ABTB2: variants seen among roughly 807,000 people sequenced by gnomAD.
ABTB2 encodes the protein ankyrin repeat and BTB domain containing 2, also known as ankyrin repeat and BTB/POZ domain-containing protein 2.
ABTB2 carries 56 observed loss-of-function variants against 104.1 expected under a neutral mutation model. The ratio of observed to expected loss-of-function variants is 0.54; its 90% confidence interval spans 0.43 to 0.67. ABTB2 has a LOEUF of 0.67. Among genes scored for constraint, ABTB2 ranks in the 30% least tolerant of loss-of-function variants. The pLI is 0.00. For missense variants in ABTB2, 1,279 were observed against 1,407.7 expected (o/e 0.91, Z 1.46); for synonymous variants, 606 against 608.2 (o/e 1.00, Z 0.05).
At chr11:34,223,018 G>C (rs1400148227) in intron 1 of ABTB2, among the ~76,000 whole-genome samples, 1 of 152,144 alleles carries the variant, frequency 6.6e-6, no homozygotes, top group Non-Finnish European at 1.5e-5. Context: ...TATTTAAACT[G>C]AAACTTTGGG....
intron 1 of ABTB2, among the ~76,000 whole-genome samples, chr11:34,246,847 C>CTTTTTTTTTTTTTTTTTTTTTTTTT (rs199831054): frequency 8.5e-6 from 1 of 118,284 alleles, no homozygotes; most frequent in African/African-American, 3.2e-5. Flanking sequence ...TTTCTTTTTT[C>CTTTTTTTTTTTTTTTTTTTTTTTTT]TTTTTTTTTT....
intron 1 of ABTB2, among the ~76,000 whole-genome samples, chr11:34,240,160 A>C (rs1245598671): frequency 6.6e-6 from 1 of 152,202 alleles, no homozygotes; most frequent in African/African-American, 2.4e-5. Flanking sequence ...GAGAAGAAAA[A>C]GGTTGTGTGT....
At chr11:34,229,220 C>T (rs540858336) in intron 1 of ABTB2, among the ~76,000 whole-genome samples, 72 of 151,544 alleles carry the variant, frequency 4.8e-4, no homozygotes, top group Admixed American at 1.2e-3. Context: ...CGGTGGCTCA[C>T]GCCTGTAATC....
chr11:34,249,721 T>A (rs1285166810), intron 1 of ABTB2, among the ~76,000 whole-genome samples: 1 of 152,240 alleles, frequency 6.6e-6, no homozygotes, highest in African/African-American at 2.4e-5. Flanking sequence ...CACAGCTTAC[T>A]GCAGCCTTGA....
intron 1 of ABTB2, among the ~76,000 whole-genome samples, chr11:34,279,932 G>A (rs1476984811): frequency 1.3e-5 from 2 of 151,782 alleles, no homozygotes; most frequent in Non-Finnish European, 2.9e-5. Flanking sequence ...GGGACTACAG[G>A]TGCGTGCCAC....
At chr11:34,279,540 T>C (rs748494074) in intron 1 of ABTB2, among the ~76,000 whole-genome samples, 2 of 152,258 alleles carry the variant, frequency 1.3e-5, no homozygotes, top group Non-Finnish European at 2.9e-5. Context: ...CTCAGATCTA[T>C]TTGGCGTCAT....
Position 34,154,265 on chromosome 11 carries a change from C to T in ABTB2, c.2880G>A (p.Lys960=), listed in dbSNP as rs1046024682. The T allele has an allele frequency of 2.5e-6, 4 of 1,613,004 alleles. No individual in the cohort carries two copies. Among genetic ancestry groups the T allele is most frequent in the Non-Finnish European group, 3.4e-6 (4 of 1,179,272 alleles). The stretch of plus-strand genomic sequence containing the variant: ...GCCAGCAGGCATCCTTGGCCCTCAC[C>T]TTGGCATATTTGTAGGTGTTCACGG... ...ESAVNTYKYA[K]IHNAPELALF... is the part of the protein sequence containing the mutation. The change falls in exon 16 of 17, where the codon AAG becomes AAA. Residue 960 remains lysine, a splice_region_variant and synonymous_variant. Transcript: ENST00000435224. This position sits in a 1 kb window ranked among gnomAD's most constrained non-coding sequence, Gnocchi z 4.9.
intron 1 of ABTB2, among the ~76,000 whole-genome samples, chr11:34,324,797 G>T (rs1382941054): frequency 6.6e-6 from 1 of 152,096 alleles, no homozygotes; most frequent in African/African-American, 2.4e-5. Flanking sequence ...CTACCTTTCT[G>T]CCAAGAAAGC....
chr11:34,244,060 G>A (rs1414953860), intron 1 of ABTB2, among the ~76,000 whole-genome samples: 1 of 152,216 alleles, frequency 6.6e-6, no homozygotes, highest in Non-Finnish European at 1.5e-5. Context: ...CCTGTCCCAA[G>A]CTAGGCCCTG....
At chr11:34,258,331 A>G (rs1300183584) in intron 1 of ABTB2, among the ~76,000 whole-genome samples, 2 of 152,058 alleles carry the variant, frequency 1.3e-5, no homozygotes, top group Admixed American at 6.5e-5. Flanking sequence ...TTTCCCTTTA[A>G]TCCTCACAGT....
chr11:34,320,013 G>C (rs1417377800), intron 1 of ABTB2, among the ~76,000 whole-genome samples: 1 of 152,160 alleles, frequency 6.6e-6, no homozygotes, highest in Non-Finnish European at 1.5e-5. Flanking sequence ...GCCTTCCAAA[G>C]TCCTGGGATT....
At chr11:34,212,097 T>G (rs900765899) in intron 1 of ABTB2, among the ~76,000 whole-genome samples, 6 of 151,442 alleles carry the variant, frequency 4.0e-5, no homozygotes, top group African/African-American at 1.5e-4. Context: ...TACTCTGTCA[T>G]TCAGGCTGGA....
chr11:34,276,951 G>A (rs1234491699), intron 1 of ABTB2, among the ~76,000 whole-genome samples: 2 of 152,186 alleles, frequency 1.3e-5, no homozygotes, highest in African/African-American at 4.8e-5. Flanking sequence ...ACCCAGGTTG[G>A]AGTGCAATGG....
At chr11:34,263,696 T>C (rs1854215537) in intron 1 of ABTB2, among the ~76,000 whole-genome samples, 1 of 152,124 alleles carries the variant, frequency 6.6e-6, no homozygotes, top group Non-Finnish European at 1.5e-5. Context: ...CCTAGGCATG[T>C]TGTAGGCACC....
chr11:34,156,828 G>C (rs1852635051), intron 14 of ABTB2, among the ~76,000 whole-genome samples: 1 of 152,140 alleles, frequency 6.6e-6, no homozygotes, highest in Non-Finnish European at 1.5e-5. Flanking sequence ...CCGGCTGTGA[G>C]TAACTTTTTA....
intron 2 of ABTB2, among the ~76,000 whole-genome samples, chr11:34,203,468 T>C (rs2133039972): frequency 6.6e-6 from 1 of 152,284 alleles, no homozygotes; most frequent in African/African-American, 2.4e-5. Context: ...GACAGCCCAT[T>C]GTCCAGGAGA....
chr11:34,205,436 A>G (rs971964983), intron 1 of ABTB2, among the ~76,000 whole-genome samples: 1 of 152,234 alleles, frequency 6.6e-6, no homozygotes, highest in African/African-American at 2.4e-5. Flanking sequence ...CTTAGAAAGC[A>G]CCAGAAAAGT....
intron 1 of ABTB2, among the ~76,000 whole-genome samples, chr11:34,277,470 T>A (rs1353366195): frequency 2.7e-5 from 4 of 150,656 alleles, no homozygotes; most frequent in African/African-American, 9.9e-5. Context: ...ATTTCCTAAA[T>A]GTCTTATTTA....
At chr11:34,174,035 GAA>G (rs1852925047) in intron 3 of ABTB2, among the ~76,000 whole-genome samples, 2 of 152,174 alleles carry the variant, frequency 1.3e-5, no homozygotes, top group Admixed American at 6.5e-5. Flanking sequence ...TTGGTGCTCA[GAA>G]AAGAGTAGTG....
Sources: gnomAD v4.1 joint callset for allele counts (sites outside exome capture counted in the v4.1 genomes callset) on GRCh38, gnomAD v4.1.1 for gene constraint, Gnocchi (gnomAD v3.1) non-coding constraint, MANE v1.5 for transcripts, NCBI Gene and HGNC (gene_info 2026-07-23, HGNC 2026-07-21) for gene names.